PKP2: variants seen among roughly 807,000 people sequenced by gnomAD.
PKP2 encodes plakophilin 2, also known as plakophilin-2.
In PKP2, 73 loss-of-function variants were observed where a neutral mutation model predicts 83.4. That is an observed-to-expected ratio of 0.88 (90% CI 0.72 to 1.06). The LOEUF is 1.06. Ranked by LOEUF, PKP2 falls within the 50% of genes least tolerant of loss-of-function variation. The probability of loss-of-function intolerance (pLI) is 0.00; values close to 1 mark genes in which losing one functional copy is unlikely to be tolerated. For missense variants in PKP2, 966 were observed against 1,065.4 expected (o/e 0.91, Z 1.30); for synonymous variants, 409 against 430.4 (o/e 0.95, Z 0.62).
intron 1 of PKP2, among the ~76,000 whole-genome samples, chr12:32,886,184 A>C (rs1365256242): frequency 6.6e-6 from 1 of 152,220 alleles, no homozygotes; most frequent in East Asian, 1.9e-4. Context: ...TTTTAGAAGG[A>C]AAGAGCCTGA....
chr12:32,864,165 A>T (rs1257027231), intron 4 of PKP2, among the ~76,000 whole-genome samples: 2 of 152,110 alleles, frequency 1.3e-5, no homozygotes, highest in African/African-American at 4.8e-5. Context: ...ATGGTCATTT[A>T]TAAAAAACCT....
intron 4 of PKP2, among the ~76,000 whole-genome samples, chr12:32,860,812 G>A (rs532793066): frequency 2.0e-5 from 3 of 152,074 alleles, no homozygotes; most frequent in Admixed American, 6.6e-5. Context: ...GACAGATCAC[G>A]AGGTCAGGAG....
intron 5 of PKP2, among the ~76,000 whole-genome samples, chr12:32,847,123 T>C (rs1187704972): frequency 1.3e-5 from 2 of 151,992 alleles, no homozygotes; most frequent in Non-Finnish European, 2.9e-5. Context: ...GTCAAAGAAA[T>C]AGACCAGTAA....
intron 5 of PKP2, among the ~76,000 whole-genome samples, chr12:32,849,082 A>C (rs924771973): frequency 1.3e-5 from 2 of 152,080 alleles, no homozygotes; most frequent in East Asian, 3.9e-4. Flanking sequence ...AAATTGAGAT[A>C]TAGCACCTGA....
At chr12:32,851,505 G>C (rs1388680825) in intron 4 of PKP2, among the ~76,000 whole-genome samples, 2 of 152,134 alleles carry the variant, frequency 1.3e-5, no homozygotes, top group African/African-American at 4.8e-5. Context: ...GTCTGGCTCT[G>C]TCACCCAGGC....
chr12:32,823,152 C>T (rs559137059), intron 7 of PKP2, among the ~76,000 whole-genome samples: 1 of 152,128 alleles, frequency 6.6e-6, no homozygotes, highest in Non-Finnish European at 1.5e-5. Flanking sequence ...CTGTGGCTCA[C>T]GCCTGTAATC....
chr12:32,823,654 T>A (rs1357606367), intron 7 of PKP2, among the ~76,000 whole-genome samples: 2 of 151,466 alleles, frequency 1.3e-5, no homozygotes, highest in African/African-American at 4.8e-5. Flanking sequence ...TCGCCCACGC[T>A]GGAGTGCAGT....
At chr12:32,807,520 C>T (rs148234716) in intron 9 of PKP2, among the ~76,000 whole-genome samples, 130 of 152,204 alleles carry the variant, frequency 8.5e-4, no homozygotes, top group African/African-American at 3.0e-3. Flanking sequence ...GCATTTAGCC[C>T]GTTTACATTT....
At chr12:32,800,754 C>T (rs1956171396) in intron 10 of PKP2, among the ~76,000 whole-genome samples, 1 of 152,162 alleles carries the variant, frequency 6.6e-6, no homozygotes, top group African/African-American at 2.4e-5. Context: ...AGTTAAACTA[C>T]AGAATGAAAG....
chr12:32,849,508 T>C (rs1260134878), intron 5 of PKP2, among the ~76,000 whole-genome samples: 1 of 152,240 alleles, frequency 6.6e-6, no homozygotes, highest in Non-Finnish European at 1.5e-5. Flanking sequence ...CATGAGCTAC[T>C]GCACCCAGCC....
intron 4 of PKP2, among the ~76,000 whole-genome samples, chr12:32,855,022 G>A (rs138916612): frequency 8.5e-5 from 13 of 152,276 alleles, no homozygotes; most frequent in African/African-American, 2.9e-4. Context: ...TCCTTTCTCT[G>A]CTTTCCCTCC....
intron 9 of PKP2, among the ~76,000 whole-genome samples, chr12:32,803,431 A>AT (rs1161759978): frequency 1.3e-5 from 2 of 152,076 alleles, no homozygotes; most frequent in African/African-American, 4.8e-5. Context: ...GGTTATTAAC[A>AT]TTTTTTCCAT....
Position 32,792,478 on chromosome 12 carries a change from CT to C in PKP2, c.2459del (p.Lys820ArgfsTer67). The C allele has an allele frequency of 6.2e-7, 1 of 1,613,680 alleles. No homozygotes were observed. The highest frequency in any genetic ancestry group is 8.5e-7 in the Non-Finnish European group (1 of 1,179,674). ...HHAYKKAQFKKTDFVNSRTAK... is the reference protein window; with the variant it reads ...HHAYKKAQFKXTDFVNSRTAK... ...CAGTCCGGCTGTTGACAAAATCTGT[CT>C]TCTTAAACTGAGCCTTTGGAATAAG... On this transcript the variant is annotated frameshift_variant, in exon 13 of 13. Coordinates refer to ENST00000340811, the MANE Select transcript of PKP2 (RefSeq NM_001005242.3). LOFTEE classifies it high-confidence loss of function.
At chr12:32,819,900 TTTAA>T in intron 9 of PKP2, among the ~76,000 whole-genome samples, 1 of 133,282 alleles carries the variant, frequency 7.5e-6, no homozygotes, top group Non-Finnish European at 1.6e-5. Flanking sequence ...CCCCCCCCCA[TTTAA>T]TTTTCTTTTA....
intron 6 of PKP2, among the ~76,000 whole-genome samples, chr12:32,838,226 C>T (rs1298956876): frequency 6.6e-6 from 1 of 152,142 alleles, no homozygotes; most frequent in African/African-American, 2.4e-5. Context: ...AATGCAGCAA[C>T]AGAAAACCAA....
At chr12:32,833,103 C>T (rs1956514540) in intron 6 of PKP2, among the ~76,000 whole-genome samples, 1 of 152,070 alleles carries the variant, frequency 6.6e-6, no homozygotes, top group South Asian at 2.1e-4. Flanking sequence ...ACCAGCTGGG[C>T]GAGGTGCCGT....
chr12:32,815,083 AG>A (rs1956309817), intron 9 of PKP2, among the ~76,000 whole-genome samples: 1 of 152,218 alleles, frequency 6.6e-6, no homozygotes, highest in South Asian at 2.1e-4. Flanking sequence ...CATTTGCAGA[AG>A]AACCAATCTG....
At chr12:32,829,972 T>A (rs1234431402) in intron 6 of PKP2, among the ~76,000 whole-genome samples, 1 of 152,092 alleles carries the variant, frequency 6.6e-6, no homozygotes, top group East Asian at 1.9e-4. Context: ...GGGACCAGTC[T>A]TGAAGTTCTA....
intron 9 of PKP2, among the ~76,000 whole-genome samples, chr12:32,805,378 A>G (rs1168930224): frequency 6.6e-6 from 1 of 152,060 alleles, no homozygotes; most frequent in African/African-American, 2.4e-5. Flanking sequence ...AATCTTTGCC[A>G]GTGCCTATGT....
Sources: gnomAD v4.1 joint callset for allele counts (sites outside exome capture counted in the v4.1 genomes callset) on GRCh38, gnomAD v4.1.1 for gene constraint, MANE v1.5 for transcripts, NCBI Gene and HGNC (gene_info 2026-07-23, HGNC 2026-07-21) for gene names.